Variants in SANBR observed in about 807,000 individuals in gnomAD.
SANBR encodes SANT and BTB domain regulator of CSR.
Under a neutral mutation model 101.8 loss-of-function variants are expected in SANBR, and 77 were observed. The observed-to-expected ratio is 0.76, with a 90% CI of 0.63 to 0.91. The LOEUF (loss-of-function observed/expected upper bound fraction) is 0.91. Ranked by LOEUF, SANBR falls within the 40% of genes least tolerant of loss-of-function variation. The pLI is 0.00. For synonymous variants in SANBR, 279 were observed against 274.7 expected, an observed-to-expected ratio of 1.02 and a Z score of -0.15; for missense variants, 875 against 853.0, an observed-to-expected ratio of 1.03 and a Z score of -0.32.
chr2:61,132,714 T>C (rs543056091), intron 20 of SANBR, among the ~76,000 whole-genome samples: 3 of 152,220 alleles, frequency 2.0e-5, no homozygotes, highest in Non-Finnish European at 4.4e-5. Flanking sequence ...CAAATGTTCA[T>C]AGCAACACTA....
At chr2:61,120,264 A>T (rs1426067876) in intron 20 of SANBR, among the ~76,000 whole-genome samples, 3 of 152,220 alleles carry the variant, frequency 2.0e-5, no homozygotes, top group South Asian at 2.1e-4. Flanking sequence ...GCACTTTGGG[A>T]GGCCAAGGCG....
At chr2:61,080,026 G>A (rs1283187149) in intron 6 of SANBR, among the ~76,000 whole-genome samples, 4 of 151,236 alleles carry the variant, frequency 2.6e-5, no homozygotes, top group East Asian at 2.0e-4. Flanking sequence ...TTGAAACCCC[G>A]TCTCTACTAA....
chr2:61,099,289 A>G (rs1023147873), intron 12 of SANBR, among the ~76,000 whole-genome samples: 3 of 152,250 alleles, frequency 2.0e-5, no homozygotes, highest in African/African-American at 7.2e-5. Flanking sequence ...CAGTGGAATC[A>G]CGTACAAAAG....
chr2:61,080,534 A>G (rs1001975427), intron 6 of SANBR, among the ~76,000 whole-genome samples: 2 of 152,180 alleles, frequency 1.3e-5, no homozygotes, highest in Non-Finnish European at 2.9e-5. Flanking sequence ...CATCCTGGCC[A>G]ACATGGTGAA....
At chr2:61,100,442 A>G (rs1277440703) in intron 12 of SANBR, among the ~76,000 whole-genome samples, 2 of 152,128 alleles carry the variant, frequency 1.3e-5, no homozygotes, top group Non-Finnish European at 2.9e-5. Context: ...TTTAAAAGTC[A>G]GTGGGAAGGA....
At chr2:61,094,091 T>A (rs1015000444) in intron 11 of SANBR, 1 of 983,398 alleles carries the variant, frequency 1.0e-6, no homozygotes. Context: ...TTAAACTGTT[T>A]AAGTTCCCAC....
intron 20 of SANBR, among the ~76,000 whole-genome samples, chr2:61,132,732 T>A (rs1234684598): frequency 6.6e-6 from 1 of 152,194 alleles, no homozygotes; most frequent in Non-Finnish European, 1.5e-5. Context: ...CTATTCACAA[T>A]AGCCAAAATG....
rs772391748 is a variant in SANBR at position 61,077,036 on chromosome 2, A to T, written c.548A>T (p.Asp183Val). 2.5e-6 allele frequency: 4 copies of T among 1,613,904 alleles called. No individual in the cohort carries two copies. The African/African-American group carries it at 5.3e-5, about 22-fold the overall frequency. Residue 183 changes from aspartate (D) to valine (V), a missense_variant, in exon 6 of 22, where the codon GAT becomes GTT. By Grantham distance (152) the Asp-to-Val change is radical (BLOSUM62 -3). Coordinates refer to ENST00000402291, the MANE Select transcript of SANBR (RefSeq NM_001129993.3). ...TACTTTGCTGAATATTTATCTATGG[A>T]TGCCCAGCGCTGGGAAGAGGTGGAC... ...MKYFAEYLSM[D>V]AQRWEEVDIS... is the part of the protein sequence containing the mutation.
chr2:61,109,063 T>G, intron 15 of SANBR, 134 bp from the exon 16 acceptor site: 1 of 428,222 alleles, frequency 2.3e-6, no homozygotes, highest in East Asian at 3.6e-5. Flanking sequence ...TTCCTGGATA[T>G]TGTGCTAGCC....
chr2:61,134,362 G>C (rs1393155836), intron 21 of SANBR: 1 of 1,361,208 alleles, frequency 7.3e-7, no homozygotes, highest in Non-Finnish European at 9.8e-7. Flanking sequence ...TCCCATTTTT[G>C]GCTTGGCTCA....
At chr2:61,091,758 T>C (rs943909002) in intron 10 of SANBR, among the ~76,000 whole-genome samples, 1 of 152,110 alleles carries the variant, frequency 6.6e-6, no homozygotes, top group Admixed American at 6.6e-5. Context: ...AGTATGACCC[T>C]GTCTCAAAAA....
Position 61,088,181 on chromosome 2 carries a change from G to T in SANBR, c.913G>T (p.Glu305Ter), listed in dbSNP as rs960847258. The T allele has an allele frequency of 1.9e-6, 3 of 1,605,964 alleles. No homozygotes were observed. The highest frequency in any genetic ancestry group is 2.5e-6 in the Non-Finnish European group (3 of 1,177,434). The part of the protein sequence containing the change: ...FKSKLFCKKI[E>*]RLFDPEYLNP... ...TAGCAAACTTTTTTGTAAGAAGATT[G>T]AAAGACTGTTTGATCCTGAGTACTT... is the stretch of plus-strand genomic sequence containing the variant. The change falls in exon 9 of 22, where the codon GAA (glutamate) becomes TAA (stop). Residue 305 changes from glutamate (E) to a stop codon, truncating the protein, a stop_gained. Coordinates refer to ENST00000402291, the MANE Select transcript of SANBR (RefSeq NM_001129993.3). LOFTEE classifies it high-confidence loss of function.
intron 16 of SANBR, among the ~76,000 whole-genome samples, chr2:61,111,014 A>G (rs995630984): frequency 3.3e-5 from 5 of 152,236 alleles, no homozygotes; most frequent in Non-Finnish European, 7.3e-5. Context: ...TGCCATCAGT[A>G]GATGGTAGTC....
Position 61,124,235 on chromosome 2 carries a change from T to C in SANBR, c.*2073T>C. ...ACTTTAATATTTCACCTTACATTAA[T>C]CCTGGATTCACATTTCTTTAATTGA... is the stretch of plus-strand genomic sequence containing the variant. On this transcript the variant is annotated 3_prime_UTR_variant, in exon 22 of 22. Transcript: ENST00000402291. The C allele has an allele frequency of 1.0e-6, 1 of 970,244 alleles. No homozygotes were observed. The highest frequency in any genetic ancestry group is 1.2e-6 in the Non-Finnish European group (1 of 815,924). 60.1% of individuals were successfully genotyped at this position (970,244 alleles called of 1,614,324 possible). A position where few individuals can be genotyped will look rare whatever the true frequency, so the allele number is the denominator to read the frequency against.
chr2:61,112,087 A>G (rs1683855440), intron 16 of SANBR, among the ~76,000 whole-genome samples: 1 of 152,166 alleles, frequency 6.6e-6, no homozygotes, highest in South Asian at 2.1e-4. Flanking sequence ...ACTAGATCAT[A>G]TGGTAAGTGT....
At chr2:61,082,996 G>A (rs932681761) in intron 7 of SANBR, among the ~76,000 whole-genome samples, 158 bp from the exon 8 acceptor site, 1 of 152,142 alleles carries the variant, frequency 6.6e-6, no homozygotes, top group Non-Finnish European at 1.5e-5. Flanking sequence ...ATTGCCTTTG[G>A]AACAGTACAG....
chr2:61,086,020 T>G (rs1682408437), intron 8 of SANBR, among the ~76,000 whole-genome samples: 1 of 152,222 alleles, frequency 6.6e-6, no homozygotes, highest in South Asian at 2.1e-4. Context: ...TGTAGATCAA[T>G]TTAGGAAGAT....
In SANBR at chr2:61,123,442, C is replaced by T. The variant is rs1365337750; in HGVS notation, c.*1280C>T. 2.0e-6 allele frequency: 2 copies of T among 984,294 alleles called. No individual in the cohort carries two copies. Among genetic ancestry groups the T allele is most frequent in the East Asian group, 2.2e-4 (2 of 8,962 alleles). 61.0% of individuals were successfully genotyped at this position (984,294 alleles called of 1,614,324 possible). On this transcript the variant is annotated 3_prime_UTR_variant, in exon 22 of 22. Coordinates refer to ENST00000402291, the MANE Select transcript of SANBR (RefSeq NM_001129993.3). ...AGATGTTATTTGATAACTGGCTTTG[C>T]CAAGGTTTTTGAACTGCTGTTTAGA...
chr2:61,107,724 A>G (rs1459865346), intron 14 of SANBR, among the ~76,000 whole-genome samples: 1 of 152,144 alleles, frequency 6.6e-6, no homozygotes, highest in Admixed American at 6.6e-5. Flanking sequence ...TGTCTTTACT[A>G]AAAATACAAA....
Sources: allele counts gnomAD v4.1 joint callset (sites outside exome capture counted in the v4.1 genomes callset), GRCh38; gene constraint gnomAD v4.1.1; transcripts MANE v1.5; gene names NCBI Gene and HGNC (gene_info 2026-07-23, HGNC 2026-07-21).